The following CNTN3 variants were observed in gnomAD, a reference collection of about 807,000 sequenced individuals.
CNTN3 encodes contactin-3.
In CNTN3, 60 loss-of-function variants were observed where a neutral mutation model predicts 119.1. The ratio of observed to expected loss-of-function variants is 0.50; its 90% CI spans 0.41 to 0.62. The LOEUF is 0.62. Ranked by LOEUF, CNTN3 falls within the 20% of genes least tolerant of loss-of-function variation. The pLI, the probability that CNTN3 is intolerant of heterozygous loss-of-function variation, is 0.00. For synonymous variants in CNTN3, 450 were observed against 438.7 expected, an observed-to-expected ratio of 1.03 and a Z score of -0.32; for missense variants, 1,101 against 1,242.4, an observed-to-expected ratio of 0.89 and a Z score of 1.71.
intron 20 of CNTN3, among the ~76,000 whole-genome samples, chr3:74,271,773 G>A (rs914862081): frequency 6.6e-6 from 1 of 152,036 alleles, no homozygotes; most frequent in African/African-American, 2.4e-5. Flanking sequence ...ATTGTGCAAC[G>A]ATCATGTAAT....
rs376962897 is a variant in CNTN3, at chr3:74,294,454, C to T, written c.2517+667G>A. Among the ~76,000 whole-genome samples, 18 of 152,270 alleles carry T rather than the reference C, an allele frequency of 1.2e-4. No homozygotes were observed. The East Asian group carries it at 2.5e-3, about 21-fold the overall frequency. ...TCTACTCCTCTGCTTTTCTATCATGCCTTGCCTAATCCAGAATGTTTTCCA... is the reference window on the plus strand; with the variant it reads ...TCTACTCCTCTGCTTTTCTATCATGTCTTGCCTAATCCAGAATGTTTTCCA... On this transcript the variant is annotated intron_variant, in intron 19 of 22. Transcript: ENST00000263665.
chr3:74,588,000 A>T (rs1704626466), intron 1 of CNTN3, among the ~76,000 whole-genome samples: 1 of 152,092 alleles, frequency 6.6e-6, no homozygotes, highest in East Asian at 1.9e-4. Flanking sequence ...AGTTTTTAGC[A>T]TGAAGGTTGT....
intron 1 of CNTN3, among the ~76,000 whole-genome samples, chr3:74,583,350 C>T (rs965722404): frequency 2.6e-5 from 4 of 151,874 alleles, no homozygotes; most frequent in African/African-American, 9.7e-5. Context: ...GATTTATGAT[C>T]TATCCCTAAA....
intron 3 of CNTN3, among the ~76,000 whole-genome samples, chr3:74,489,341 T>C (rs1195135172): frequency 6.6e-6 from 1 of 152,056 alleles, no homozygotes; most frequent in Middle Eastern, 3.2e-3. Context: ...AAAGAACTGC[T>C]CACTTTTAAT....
rs534568343 is a variant in CNTN3, at chr3:74,335,118, A to G, written c.1493-208T>C. On this transcript the variant is annotated intron_variant, in intron 12 of 22. Transcript: ENST00000263665. Reference sequence around the variant, plus strand: ...TTCACTGGATCCACAAATTCTTGTTAAAGAAATTAGGATATTTGAACTTGT... The same window carrying G: ...TTCACTGGATCCACAAATTCTTGTTGAAGAAATTAGGATATTTGAACTTGT... Among the ~76,000 whole-genome samples, 4 of 152,300 alleles carry G rather than the reference A, an allele frequency of 2.6e-5. No homozygotes were observed. In the East Asian group the frequency reaches 7.7e-4, roughly 29 times the overall value.
chr3:74,572,196 A>C (rs1306178964), intron 1 of CNTN3, among the ~76,000 whole-genome samples: 2 of 152,248 alleles, frequency 1.3e-5, no homozygotes, highest in Non-Finnish European at 2.9e-5. Context: ...TGAAATTAGT[A>C]CTACAACTTT....
At chr3:74,345,321 A>G (rs1703663915) in intron 11 of CNTN3, among the ~76,000 whole-genome samples, 1 of 152,174 alleles carries the variant, frequency 6.6e-6, no homozygotes, top group African/African-American at 2.4e-5. Flanking sequence ...CACACCTTTC[A>G]TAAGGTAATA....
rs192962821 is a variant in CNTN3 at position 74,262,952 on chromosome 3, T to C, written c.*1449A>G. On this transcript the variant is annotated 3_prime_UTR_variant, in exon 23 of 23. Coordinates refer to ENST00000263665, the MANE Select transcript of CNTN3 (RefSeq NM_020872.3). ...ATTGTTTTTGTGTATGATGACTTTA[T>C]CTTAAATGTAATCTCTAAATGTAAA... The C allele has an allele frequency of 2.6e-5, 4 of 152,254 alleles. No homozygotes were observed. The East Asian group carries it at 7.7e-4, about 29-fold the overall frequency. 9.4% of individuals were successfully genotyped at this position (152,254 alleles called of 1,614,324 possible). A position where few individuals can be genotyped will look rare whatever the true frequency, so the allele number is the denominator to read the frequency against.
At chr3:74,528,565 A>AC (rs1314189311) in intron 1 of CNTN3, among the ~76,000 whole-genome samples, 2 of 151,698 alleles carry the variant, frequency 1.3e-5, no homozygotes, top group African/African-American at 4.8e-5. Context: ...TTCTGTTATC[A>AC]CCCCCCATTT....
chr3:74,460,421 G>A (rs1211275342), intron 4 of CNTN3, among the ~76,000 whole-genome samples: 1 of 151,852 alleles, frequency 6.6e-6, no homozygotes, highest in African/African-American at 2.4e-5. Context: ...AACATGGTAT[G>A]TCTCTCCATT....
rs922548516 is a variant in CNTN3, at chr3:74,371,436, A to C, written c.455-37T>G. The stretch of plus-strand genomic sequence containing the variant: ...GTTGAAGAGAGAAAGAAATTCCATC[A>C]TTAAGGACAGTTTTCCATTGTGTCC... On this transcript the variant is annotated intron_variant, in intron 5 of 22. Coordinates refer to ENST00000263665, the MANE Select transcript of CNTN3 (RefSeq NM_020872.3). The C allele has an allele frequency of 2.7e-6, 4 of 1,484,028 alleles. No homozygotes were observed. The African/African-American group carries it at 4.2e-5, about 15-fold the overall frequency. 91.9% of individuals were successfully genotyped at this position (1,484,028 alleles called of 1,614,324 possible).
intron 5 of CNTN3, among the ~76,000 whole-genome samples, chr3:74,396,358 T>C (rs1483590139): frequency 6.6e-6 from 1 of 152,210 alleles, no homozygotes. Context: ...ACATGAATGA[T>C]AAGAAAGCAA....
At chr3:74,267,068 A>G (rs1701675259) in intron 21 of CNTN3, among the ~76,000 whole-genome samples, 198 bp downstream of exon 21, 1 of 152,160 alleles carries the variant, frequency 6.6e-6, no homozygotes, top group Non-Finnish European at 1.5e-5. Flanking sequence ...TTCCCACTTG[A>G]GCAGAATTCT....
At chr3:74,499,290 G>C (rs1703120388) in intron 3 of CNTN3, among the ~76,000 whole-genome samples, 1 of 151,792 alleles carries the variant, frequency 6.6e-6, no homozygotes, top group Non-Finnish European at 1.5e-5. Flanking sequence ...ACGGACAAAA[G>C]GTGGCACACA....
chr3:74,484,048 G>A (rs1409596917), intron 4 of CNTN3, among the ~76,000 whole-genome samples: 1 of 152,024 alleles, frequency 6.6e-6, no homozygotes, highest in East Asian at 1.9e-4. Flanking sequence ...ATGAAATTAA[G>A]AATCCATAGT....
intron 11 of CNTN3, among the ~76,000 whole-genome samples, chr3:74,340,301 G>T (rs950789324): frequency 6.6e-6 from 1 of 152,056 alleles, no homozygotes; most frequent in African/African-American, 2.4e-5. Flanking sequence ...ATAGAAGACT[G>T]AATAAAGAGA....
chr3:74,483,779 T>C (rs557775248), intron 4 of CNTN3, among the ~76,000 whole-genome samples: 2 of 152,042 alleles, frequency 1.3e-5, no homozygotes, highest in Non-Finnish European at 2.9e-5. Flanking sequence ...TCTTCCAGCC[T>C]CCATGAAACA....
chr3:74,355,974 G>A (rs2106758688), intron 11 of CNTN3, among the ~76,000 whole-genome samples: 1 of 152,128 alleles, frequency 6.6e-6, no homozygotes, highest in South Asian at 2.1e-4. Flanking sequence ...AGTTACTCAA[G>A]TACCTGCTAT....
At chr3:74,374,168 G>A (rs1222090487) in intron 5 of CNTN3, among the ~76,000 whole-genome samples, 20 of 152,102 alleles carry the variant, frequency 1.3e-4, no homozygotes, top group Admixed American at 1.3e-3. Flanking sequence ...GAACTGTGCT[G>A]CAGTCTGACA....
Sources: allele counts gnomAD v4.1 joint callset (sites outside exome capture counted in the v4.1 genomes callset), GRCh38; gene constraint gnomAD v4.1.1; transcripts MANE v1.5; gene names NCBI Gene and HGNC (gene_info 2026-07-23, HGNC 2026-07-21).